Variants in DNAH6 observed in about 807,000 individuals in gnomAD.
The protein encoded by DNAH6 is axonemal beta dynein heavy chain 6.
A neutral mutation model predicts 491.4 loss-of-function variants in DNAH6; 340 were observed. The ratio of observed to expected loss-of-function variants is 0.69; its 90% CI spans 0.63 to 0.76. The LOEUF (loss-of-function observed/expected upper bound fraction) is 0.76, where lower values mean the gene tolerates loss of function less well. DNAH6 is among the 30% of genes least tolerant of loss of function. The probability of loss-of-function intolerance (pLI) is 0.00; values close to 1 mark genes in which losing one functional copy is unlikely to be tolerated. For missense variants in DNAH6, 4,443 were observed against 4,972.2 expected, an observed-to-expected ratio of 0.89 and a Z score of 3.20; for synonymous variants, 1,603 against 1,686.1, an observed-to-expected ratio of 0.95 and a Z score of 1.21.
intron 26 of DNAH6, among the ~76,000 whole-genome samples, chr2:84,623,273 C>T (rs1573259511): frequency 6.6e-6 from 1 of 152,140 alleles, no homozygotes; most frequent in South Asian, 2.1e-4. Flanking sequence ...AGCTTTTGCA[C>T]AGCAAGGAAA....
chr2:84,505,147 T>C, the DNAH6 span, among the ~76,000 whole-genome samples: 1 of 152,354 alleles, frequency 6.6e-6, no homozygotes, highest in East Asian at 1.9e-4. Context: ...TTTTCATTTT[T>C]TGATTGTCCA....
At chr2:84,665,247 T>A (rs573566867) in intron 37 of DNAH6, among the ~76,000 whole-genome samples, 1 of 151,148 alleles carries the variant, frequency 6.6e-6, no homozygotes, top group Non-Finnish European at 1.5e-5. Context: ...ATAACTAAGA[T>A]CAGAGCAGAA....
At chr2:84,559,843 A>G (rs992612147) in intron 11 of DNAH6, among the ~76,000 whole-genome samples, 2 of 152,228 alleles carry the variant, frequency 1.3e-5, no homozygotes, top group East Asian at 3.8e-4. Flanking sequence ...AAAAGAAAAA[A>G]GACAAAATCA....
At chr2:84,503,344 C>T in the DNAH6 span, among the ~76,000 whole-genome samples, 18 of 151,980 alleles carry the variant, frequency 1.2e-4, no homozygotes, top group South Asian at 2.1e-4. Flanking sequence ...CTTATTGTAC[C>T]GTGTCTTGAA....
At chr2:84,536,169 G>A (rs887410910) in intron 4 of DNAH6, among the ~76,000 whole-genome samples, 6 of 151,882 alleles carry the variant, frequency 4.0e-5, no homozygotes, top group African/African-American at 9.7e-5. Flanking sequence ...ACTATTTTTC[G>A]TTGTTTCATA....
chr2:84,749,820 G>A (rs1297675873), intron 63 of DNAH6, among the ~76,000 whole-genome samples: 3 of 152,274 alleles, frequency 2.0e-5, no homozygotes, highest in Admixed American at 6.5e-5. Flanking sequence ...ATTGAAGCTA[G>A]AAAATTATAG....
At chr2:84,558,210 G>A (rs1254731485) in intron 11 of DNAH6, among the ~76,000 whole-genome samples, 4 of 151,936 alleles carry the variant, frequency 2.6e-5, no homozygotes, top group East Asian at 1.9e-4. Flanking sequence ...GGCAGATCAC[G>A]AGGTCAGGAG....
At chr2:84,716,517 G>C (rs1397104434) in intron 58 of DNAH6, among the ~76,000 whole-genome samples, 1 of 152,076 alleles carries the variant, frequency 6.6e-6, no homozygotes, top group Non-Finnish European at 1.5e-5. Context: ...TCACTAATGA[G>C]CTTAAGTCTT....
At chr2:84,722,891 A>T in intron 60 of DNAH6, 87 bp downstream of exon 60, 1 of 841,142 alleles carries the variant, frequency 1.2e-6, no homozygotes, top group Non-Finnish European at 1.7e-6. Context: ...ATAAGCCATA[A>T]GTCTAGTTAT....
At chr2:84,578,469 G>A (rs1018212936) in intron 13 of DNAH6, among the ~76,000 whole-genome samples, 4 of 152,048 alleles carry the variant, frequency 2.6e-5, no homozygotes, top group Non-Finnish European at 5.9e-5. Context: ...AGATTGGGTC[G>A]ATATCAAGGA....
intron 20 of DNAH6, 95 bp from the exon 21 acceptor site, chr2:84,606,881 G>C: frequency 7.6e-7 from 1 of 1,307,314 alleles, no homozygotes; most frequent in Non-Finnish European, 1.1e-6. Context: ...TCAAAGAGTT[G>C]ACTTTTAAGT....
chr2:84,653,933 C>A, intron 34 of DNAH6, 59 bp downstream of exon 34: 1 of 1,390,864 alleles, frequency 7.2e-7, no homozygotes. Context: ...ACTATCGTTA[C>A]ATTTTTTTCT....
intron 11 of DNAH6, among the ~76,000 whole-genome samples, chr2:84,560,666 G>A (rs1573021260): frequency 6.6e-6 from 1 of 151,556 alleles, no homozygotes; most frequent in East Asian, 1.9e-4. Flanking sequence ...GTGTCCATGT[G>A]TTCTCATTGT....
At chr2:84,692,347 A>C (rs1474157691) in intron 45 of DNAH6, among the ~76,000 whole-genome samples, 2 of 152,196 alleles carry the variant, frequency 1.3e-5, no homozygotes, top group South Asian at 2.1e-4. Context: ...ATAATCAAAA[A>C]ATAATAAAGC....
chr2:84,773,075 ATTT>A (rs755856173), intron 64 of DNAH6, among the ~76,000 whole-genome samples: 7 of 152,098 alleles, frequency 4.6e-5, no homozygotes, highest in Non-Finnish European at 8.8e-5. Context: ...TACTTTATTC[ATTT>A]TTTTAAAACT....
In DNAH6 at chr2:84,559,245, C is replaced by A. The variant is rs1479759957; in HGVS notation, c.1803+1310C>A. Among the ~76,000 whole-genome samples the A allele has an allele frequency of 4.6e-5, 7 of 152,180 alleles. No homozygotes were observed. In the South Asian group the frequency reaches 1.5e-3, roughly 32 times the overall value. On this transcript the variant is annotated intron_variant, in intron 11 of 76. Transcript: ENST00000389394. ...TCCTGGTGTATCAGAGGACTGTCTA[C>A]AGGAAGGAGGCCTAAAAGTGCAAGC...
the DNAH6 span, among the ~76,000 whole-genome samples, chr2:84,464,183 C>T: frequency 2.0e-5 from 3 of 152,306 alleles, no homozygotes; most frequent in East Asian, 5.8e-4. Context: ...TCATTTACTC[C>T]TACTTTGAAG....
chr2:84,571,685 G>A (rs938765941), intron 11 of DNAH6, among the ~76,000 whole-genome samples: 2 of 151,938 alleles, frequency 1.3e-5, no homozygotes, highest in Admixed American at 1.3e-4. Context: ...AGGCCTAGGT[G>A]GGCGGATCAC....
chr2:84,813,663 G>A (rs191730194), intron 74 of DNAH6, among the ~76,000 whole-genome samples: 15 of 152,278 alleles, frequency 9.9e-5, no homozygotes, highest in African/African-American at 7.2e-5. Flanking sequence ...TAAAGTTAGC[G>A]AGATTGGGCT....
Sources: allele counts gnomAD v4.1 joint callset (sites outside exome capture counted in the v4.1 genomes callset), GRCh38; gene constraint gnomAD v4.1.1; transcripts MANE v1.5; gene names NCBI Gene and HGNC (gene_info 2026-07-23, HGNC 2026-07-21).